BTBD2: variants seen among roughly 807,000 people sequenced by gnomAD.
BTBD2 encodes BTB/POZ domain-containing protein 2.
A neutral mutation model predicts 44.0 loss-of-function variants in BTBD2; 15 were observed. That is an observed-to-expected ratio of 0.34 (90% confidence interval 0.23 to 0.53). The LOEUF (loss-of-function observed/expected upper bound fraction) is 0.53, where lower values mean the gene tolerates loss of function less well. Among genes scored for constraint, BTBD2 ranks in the 20% least tolerant of loss-of-function variants. The pLI, the probability that BTBD2 is intolerant of heterozygous loss-of-function variation, is 0.95. For synonymous variants in BTBD2, 443 were observed against 335.9 expected (o/e 1.32, Z -3.49); for missense variants, 657 against 746.4 (o/e 0.88, Z 1.39).
chr19:1,987,154 T>TG lies in BTBD2; in HGVS notation c.1269+11dup, dbSNP rs1378775457. On this transcript the variant is annotated intron_variant, in intron 7 of 8. Coordinates refer to ENST00000255608, the MANE Select transcript of BTBD2 (RefSeq NM_017797.4). ...CTGAGTGGGGCCTGGGGATGAGGCT[T>TG]GGGGCTGGTACCTGGATGTTCACTT... 1.2e-6 allele frequency: 2 copies of TG among 1,612,718 alleles called. No homozygotes were observed. Among genetic ancestry groups the TG allele is most frequent in the Non-Finnish European group, 1.7e-6 (2 of 1,179,176 alleles).
At chr19:2,009,753 G>A (rs1263589419) in intron 1 of BTBD2, among the ~76,000 whole-genome samples, 1 of 152,140 alleles carries the variant, frequency 6.6e-6, no homozygotes, top group Non-Finnish European at 1.5e-5. Flanking sequence ...AGAAGGCTGA[G>A]ACAGGAGAAT....
chr19:1,998,774 G>T (rs1452360239), intron 1 of BTBD2, among the ~76,000 whole-genome samples: 1 of 152,162 alleles, frequency 6.6e-6, no homozygotes, highest in Non-Finnish European at 1.5e-5. Flanking sequence ...AGCATAGGGG[G>T]GTCACAGACA....
rs1441432425 is a variant in BTBD2 at position 2,015,695 on chromosome 19, C to T, written c.9G>A (p.Ala3=). ...ACGACGCACGCCCGCCGCTCCCACC[C>T]GCCGCCATTTTGTGGCTGCGGCGTG... MA[A]GGSGGRASCP... is the part of the protein sequence containing the mutation. The change falls in exon 1 of 9, where the codon GCG becomes GCA. Residue 3 remains alanine (A), a synonymous_variant. Coordinates refer to ENST00000255608, the MANE Select transcript of BTBD2 (RefSeq NM_017797.4). 1.8e-5 allele frequency: 17 copies of T among 967,270 alleles called. No individual in the cohort carries two copies. The highest frequency in any genetic ancestry group is 1.7e-4 in the African/African-American group (8 of 47,430). The allele number at this position is 967,270 out of a possible 1,614,324, so 59.9% of individuals were successfully genotyped here. A position where few individuals can be genotyped will look rare whatever the true frequency, so the allele number is the denominator to read the frequency against.
intron 1 of BTBD2, among the ~76,000 whole-genome samples, chr19:2,002,152 G>T (rs1599356667): frequency 6.6e-6 from 1 of 152,116 alleles, no homozygotes; most frequent in African/African-American, 2.4e-5. Context: ...CACGATCATA[G>T]CTCACTGCAG....
rs556942333 is a variant in BTBD2 at position 2,006,263 on chromosome 19, CA to C, written c.408-8801del. The stretch of plus-strand genomic sequence containing the variant: ...TGGCACATGAGTGCCTAGTATTGGA[CA>C]GCACACATCCAAACCATCCCGCTTA... On this transcript the variant is annotated intron_variant, in intron 1 of 8. Coordinates refer to ENST00000255608, the MANE Select transcript of BTBD2 (RefSeq NM_017797.4). 1.2e-3 allele frequency among the ~76,000 whole-genome samples: 184 copies of C among 152,242 alleles called. 1 individual carries two copies. Among genetic ancestry groups the C allele is most frequent in the African/African-American group, 4.2e-3 (173 of 41,550 alleles).
At chr19:2,008,457 C>A (rs71337076) in intron 1 of BTBD2, among the ~76,000 whole-genome samples, 31,519 of 151,352 alleles carry the variant, frequency 0.21, 3,682 homozygotes, top group East Asian at 0.3. Flanking sequence ...TGCCTGGGTA[C>A]TTTTTGTATT....
intron 1 of BTBD2, among the ~76,000 whole-genome samples, chr19:2,012,743 A>G (rs2016483068): frequency 6.6e-6 from 1 of 151,884 alleles, no homozygotes; most frequent in African/African-American, 2.4e-5. Context: ...CCCCTCACCT[A>G]CTTTTCTCCA....
At chr19:2,004,838 T>C (rs1568221153) in intron 1 of BTBD2, among the ~76,000 whole-genome samples, 1 of 151,774 alleles carries the variant, frequency 6.6e-6, no homozygotes, top group Non-Finnish European at 1.5e-5. Context: ...ATTATTTTTT[T>C]TTAGATGGAG....
rs138467240 is a variant in BTBD2, at chr19:2,011,879, G to C, written c.407+3418C>G. Among the ~76,000 whole-genome samples the C allele has an allele frequency of 8.7e-3, 1,323 of 151,558 alleles. 22 individuals are homozygous for C. The highest frequency in any genetic ancestry group is 0.031 in the African/African-American group (1,258 of 41,224). The stretch of plus-strand genomic sequence containing the variant: ...TTTTTTTCCTTTTTTTTTTGAGACA[G>C]AGTCTTGCTCTGTCGCCCAGGCTGG... On this transcript the variant is annotated intron_variant, in intron 1 of 8. Transcript: ENST00000255608.
chr19:2,015,142 A>AGG (rs2016516895), intron 1 of BTBD2, among the ~76,000 whole-genome samples, 155 bp downstream of exon 1: 1 of 93,278 alleles, frequency 1.1e-5, no homozygotes, highest in Non-Finnish European at 2.1e-5. Context: ...CTGAGGATGC[A>AGG]GGGGTGCAGG....
chr19:1,987,513 T>C lies in BTBD2; in HGVS notation c.1168A>G (p.Ser390Gly), dbSNP rs763995203. The C allele has an allele frequency of 6.5e-6, 10 of 1,526,950 alleles. No individual in the cohort carries two copies. The highest frequency in any genetic ancestry group is 8.8e-6 in the Non-Finnish European group (10 of 1,131,986). The allele number at this position is 1,526,950 out of a possible 1,614,324, so 94.6% of individuals were successfully genotyped here. A position where few individuals can be genotyped will look rare whatever the true frequency, so the allele number is the denominator to read the frequency against. The change falls in exon 6 of 9, where the codon AGT becomes GGT. Residue 390 changes from serine (S) to glycine (G), a missense_variant. This residue lies in a region of BTBD2 where 449 missense variants were observed against 510.9 expected (regional missense o/e 0.88). Coordinates refer to ENST00000255608, the MANE Select transcript of BTBD2 (RefSeq NM_017797.4). ...CCCAAGCCCCACCTGATGCGGTCACTGGTCCCGCTGTAGCCCCAGCGACTC... is the reference window on the plus strand; with the variant it reads ...CCCAAGCCCCACCTGATGCGGTCACCGGTCCCGCTGTAGCCCCAGCGACTC... Reference protein sequence around the residue: ...VESRWGYSGTSDRIRFSVNKR... With the variant: ...VESRWGYSGTGDRIRFSVNKR...
At chr19:2,002,306 C>T (rs1450545890) in intron 1 of BTBD2, among the ~76,000 whole-genome samples, 1 of 152,200 alleles carries the variant, frequency 6.6e-6, no homozygotes, top group African/African-American at 2.4e-5. Context: ...GTCTCAAACC[C>T]CTGGGCTCAA....
At chr19:1,990,970 G>T in intron 3 of BTBD2, 148 bp from the exon 4 acceptor site, 1 of 691,204 alleles carries the variant, frequency 1.4e-6, no homozygotes. Context: ...CAGCCACCAG[G>T]CCGGCCCTGT....
At chr19:1,992,239 T>C (rs1490589845) in intron 3 of BTBD2, among the ~76,000 whole-genome samples, 1 of 151,988 alleles carries the variant, frequency 6.6e-6, no homozygotes, top group East Asian at 1.9e-4. Context: ...ATTCCAGACA[T>C]GCACCAGCGT....
In BTBD2 at chr19:2,015,629, A is replaced by C; in HGVS notation, c.75T>G (p.Ser25Arg). The C allele has an allele frequency of 1.0e-6, 1 of 975,676 alleles. No homozygotes were observed. The highest frequency in any genetic ancestry group is 1.2e-6 in the Non-Finnish European group (1 of 828,258). 60.4% of individuals were successfully genotyped at this position (975,676 alleles called of 1,614,324 possible). A position where few individuals can be genotyped will look rare whatever the true frequency, so the allele number is the denominator to read the frequency against. ...CGGCGGCGTTGGCGCTGGGCCCGGG[A>C]CTGCCCCCCGTGCCCGGGCCGACCC... Reference protein sequence around the residue: ...GVGVGPGTGGSPGPSANAAAT... With the variant: ...GVGVGPGTGGRPGPSANAAAT... Residue 25 changes from serine (S) to arginine (R), a missense_variant, in exon 1 of 9, where the codon AGT (serine) becomes AGG (arginine). By Grantham distance (110) the Ser-to-Arg change is moderately radical. Around this residue, in one of 3 missense-constraint regions of BTBD2, gnomAD observed 191 missense variants for 188.5 expected, o/e 1.01. Transcript: ENST00000255608.
chr19:1,991,607 T>C (rs1321187718), intron 3 of BTBD2, among the ~76,000 whole-genome samples: 1 of 152,170 alleles, frequency 6.6e-6, no homozygotes, highest in Non-Finnish European at 1.5e-5. Flanking sequence ...ATGCCCTGCA[T>C]CTGACCTGCC....
chr19:2,005,617 C>T (rs2016385360), intron 1 of BTBD2, among the ~76,000 whole-genome samples: 1 of 151,828 alleles, frequency 6.6e-6, no homozygotes, highest in Admixed American at 6.6e-5. Flanking sequence ...CGCCATCTCT[C>T]CTAAAAATAC....
Position 1,990,711 on chromosome 19 carries a change from C to T in BTBD2, c.790+6G>A. 1 of 1,592,372 alleles carries T rather than the reference C, an allele frequency of 6.3e-7. No individual in the cohort carries two copies. The highest frequency in any genetic ancestry group is 8.5e-7 in the Non-Finnish European group (1 of 1,169,868). The stretch of plus-strand genomic sequence containing the variant: ...GATTCCCACACCTGGGCTCCTGGGC[C>T]CTTACCCAGGTCAATGTCGGTGAAG... On this transcript the variant is annotated splice_donor_region_variant and intron_variant, in intron 4 of 8. Coordinates refer to ENST00000255608, the MANE Select transcript of BTBD2 (RefSeq NM_017797.4).
chr19:1,990,631 C>A, intron 4 of BTBD2, 86 bp downstream of exon 4: 1 of 1,295,348 alleles, frequency 7.7e-7, no homozygotes. Flanking sequence ...GCAACTCCCC[C>A]AGGCCCAAAG....
Sources: allele counts gnomAD v4.1 joint callset (sites outside exome capture counted in the v4.1 genomes callset), GRCh38; gene constraint gnomAD v4.1.1; regional missense constraint gnomAD v4.1.1; transcripts MANE v1.5; gene names NCBI Gene and HGNC (gene_info 2026-07-23, HGNC 2026-07-21).